The following GPSM1 variants were observed in gnomAD, a reference collection of about 807,000 sequenced individuals.
GPSM1 encodes the protein G protein signaling modulator 1, also known as G protein-signaling modulator 1.
GPSM1 carries 48 observed loss-of-function variants against 70.5 expected under a neutral mutation model. The observed-to-expected ratio is 0.68, with a 90% CI of 0.54 to 0.87. The LOEUF (loss-of-function observed/expected upper bound fraction) is 0.87, where lower values mean the gene tolerates loss of function less well. GPSM1 is among the 40% of genes least tolerant of loss of function. The probability of loss-of-function intolerance (pLI) is 0.00; values close to 1 mark genes in which losing one functional copy is unlikely to be tolerated. For synonymous variants in GPSM1, 416 were observed against 430.1 expected, an observed-to-expected ratio of 0.97 and a Z score of 0.41; for missense variants, 981 against 972.6, an observed-to-expected ratio of 1.01 and a Z score of -0.11.
intron 1 of GPSM1, among the ~76,000 whole-genome samples, chr9:136,332,560 G>C (rs1255800071): frequency 2.0e-5 from 3 of 152,208 alleles, no homozygotes; most frequent in African/African-American, 7.2e-5. Flanking sequence ...AACCGAGTGA[G>C]ACCACTTGAA....
At chr9:136,328,923 G>A (rs1278259442) in intron 1 of GPSM1, among the ~76,000 whole-genome samples, 7 of 152,218 alleles carry the variant, frequency 4.6e-5, no homozygotes, top group African/African-American at 1.7e-4. Flanking sequence ...CAGGGCGGCC[G>A]TGCTGTGAGG....
In GPSM1 at chr9:136,359,238, T is replaced by G. The variant is rs1460355442; in HGVS notation, c.*1018T>G. 1.3e-5 allele frequency: 2 copies of G among 152,196 alleles called. No homozygotes were observed. The highest frequency in any genetic ancestry group is 2.9e-5 in the Non-Finnish European group (2 of 68,072). 9.4% of individuals were successfully genotyped at this position (152,196 alleles called of 1,614,324 possible). On this transcript the variant is annotated 3_prime_UTR_variant, in exon 14 of 14. Coordinates refer to ENST00000440944, the MANE Select transcript of GPSM1 (RefSeq NM_001145638.3). ...TGGGCCCCAGGGGCCTGAGGTTGCC[T>G]CCTCCTGTCCAGACCCAGCCTTGGC...
chr9:136,349,386 A>G (rs1263807843), intron 10 of GPSM1, among the ~76,000 whole-genome samples: 4 of 152,202 alleles, frequency 2.6e-5, no homozygotes, highest in African/African-American at 9.6e-5. Context: ...TGCGGGGGCC[A>G]CTGGCCCTCA....
intron 11 of GPSM1, among the ~76,000 whole-genome samples, chr9:136,350,542 G>A (rs1009321225): frequency 1.3e-5 from 2 of 152,214 alleles, no homozygotes; most frequent in Non-Finnish European, 2.9e-5. Flanking sequence ...GGGCAGGACC[G>A]ATGGTGAGTG....
rs952054848 is a variant in GPSM1 at position 136,341,528 on chromosome 9, G to A, written c.1207+535G>A. The A allele has an allele frequency of 2.7e-5, 31 of 1,132,566 alleles. No individual in the cohort carries two copies. The highest frequency in any genetic ancestry group is 1.1e-4 in the South Asian group (4 of 35,482). The allele number at this position is 1,132,566 out of a possible 1,614,324, so 70.2% of individuals were successfully genotyped here. On this transcript the variant is annotated intron_variant, in intron 9 of 13. Coordinates refer to ENST00000440944, the MANE Select transcript of GPSM1 (RefSeq NM_001145638.3). The surrounding 1 kb of genome is among the most constrained non-coding windows in gnomAD (Gnocchi z 6.7). ...CAGTGCTGCAGACACAGGACAGAAC[G>A]TCCCCTGCAAAGCGAAAAGACTAAT...
chr9:136,348,445 G>A (rs1832577240), intron 9 of GPSM1, among the ~76,000 whole-genome samples: 2 of 152,218 alleles, frequency 1.3e-5, no homozygotes, highest in African/African-American at 2.4e-5. Context: ...TTCCAGCACA[G>A]GGAGCCAAAG....
At chr9:136,357,944 C>T in intron 13 of GPSM1, 70 bp from the exon 14 acceptor site, 8 of 1,264,964 alleles carry the variant, frequency 6.3e-6, no homozygotes, top group Non-Finnish European at 9.2e-6. Context: ...TCTGGAACCA[C>T]CGCTGCTGAC....
Position 136,359,476 on chromosome 9 carries a change from C to G in GPSM1, c.*1256C>G, listed in dbSNP as rs1421625169. On this transcript the variant is annotated 3_prime_UTR_variant, in exon 14 of 14. Coordinates refer to ENST00000440944, the MANE Select transcript of GPSM1 (RefSeq NM_001145638.3). ...GGGTCTCCAGGACGTAGCGCCCCCCCGCATACTTGAATGTATGTGCGTATT... is the reference window on the plus strand; with the variant it reads ...GGGTCTCCAGGACGTAGCGCCCCCCGGCATACTTGAATGTATGTGCGTATT... The G allele has an allele frequency of 1.3e-5, 2 of 152,314 alleles. No individual in the cohort carries two copies. The highest frequency in any genetic ancestry group is 4.8e-5 in the African/African-American group (2 of 41,442). 9.4% of individuals were successfully genotyped at this position (152,314 alleles called of 1,614,324 possible).
chr9:136,348,601 C>A, intron 9 of GPSM1, 96 bp from the exon 10 acceptor site: 1 of 866,484 alleles, frequency 1.2e-6, no homozygotes, highest in Non-Finnish European at 1.8e-6. Flanking sequence ...AAAGCCATGG[C>A]CGGGCTGGTC....
Position 136,340,610 on chromosome 9 carries a change from G to A in GPSM1, c.1084-260G>A, listed in dbSNP as rs1427987320. 1.3e-5 allele frequency among the ~76,000 whole-genome samples: 2 copies of A among 152,040 alleles called. No individual in the cohort carries two copies. Among genetic ancestry groups the A allele is most frequent in the African/African-American group, 2.4e-5 (1 of 41,404 alleles). On this transcript the variant is annotated intron_variant, in intron 8 of 13. Transcript: ENST00000440944. The surrounding 1 kb of genome is among the most constrained non-coding windows in gnomAD (Gnocchi z 7.3). ...CGCACCGGAGGGCACAGGCCCAACC[G>A]CCTGGGACCCCAAGCATCTCTGGGG... is the stretch of plus-strand genomic sequence containing the variant.
intron 9 of GPSM1, among the ~76,000 whole-genome samples, chr9:136,344,215 G>T (rs1231414987): frequency 2.0e-5 from 3 of 146,440 alleles, no homozygotes; most frequent in African/African-American, 5.0e-5. Context: ...GGAGCGGGGT[G>T]GGGGCGCGGA....
rs1832286872 is a variant in GPSM1, at chr9:136,337,909, G to A, written c.766G>A (p.Gly256Arg). ...AAERRAYSNL[G>R]NAHVFLGRFD... ...CGAGAGGAGGGCCTACAGCAACCTG[G>A]GGAACGCCCACGTCTTCCTGGGGCG... is the stretch of plus-strand genomic sequence containing the variant. Residue 256 changes from glycine (G) to arginine (R), a missense_variant, in exon 6 of 14, where the codon GGG becomes AGG. Transcript: ENST00000440944. 1 of 1,612,570 alleles carries A rather than the reference G, an allele frequency of 6.2e-7. No homozygotes were observed. The highest frequency in any genetic ancestry group is 1.3e-5 in the African/African-American group (1 of 74,938).
chr9:136,350,088 G>A (rs781813155), intron 11 of GPSM1, among the ~76,000 whole-genome samples: 5 of 152,220 alleles, frequency 3.3e-5, no homozygotes, highest in Non-Finnish European at 5.9e-5. Context: ...CCAGTTGGGG[G>A]CTGGCTCTTC....
At position 136,342,999 on chromosome 9, in the gene GPSM1, A is replaced by G. The variant is rs1554770596; in HGVS notation, c.1207+2006A>G. 1.3e-5 allele frequency among the ~76,000 whole-genome samples: 2 copies of G among 152,084 alleles called. No homozygotes were observed. Among genetic ancestry groups the G allele is most frequent in the African/African-American group, 2.4e-5 (1 of 41,396 alleles). ...GTTTGGTGTCCCGTTGATAAACACA[A>G]GGAGACTTACGTGCGGCTGGAGGAC... On this transcript the variant is annotated intron_variant, in intron 9 of 13. Coordinates refer to ENST00000440944, the MANE Select transcript of GPSM1 (RefSeq NM_001145638.3). This position sits in a 1 kb window ranked among gnomAD's most constrained non-coding sequence, Gnocchi z 5.5.
At position 136,340,950 on chromosome 9, in the gene GPSM1, G is replaced by T. The variant is rs782188577; in HGVS notation, c.1164G>T (p.Pro388=). ...LQLVLGRLTS[P]AASEKPDLAG... Reference sequence around the variant, plus strand: ...TGGTGCTCGGCCGCCTGACCAGCCCGGCAGCCTCAGAGAAGCCTGACCTGG... The same window carrying T: ...TGGTGCTCGGCCGCCTGACCAGCCCTGCAGCCTCAGAGAAGCCTGACCTGG... Residue 388 remains proline (P), a synonymous_variant, in exon 9 of 14, where the codon CCG becomes CCT. Coordinates refer to ENST00000440944, the MANE Select transcript of GPSM1 (RefSeq NM_001145638.3). This position sits in a 1 kb window ranked among gnomAD's most constrained non-coding sequence, Gnocchi z 7.3. 2 of 1,563,714 alleles carry T rather than the reference G, an allele frequency of 1.3e-6. No individual in the cohort carries two copies. The highest frequency in any genetic ancestry group is 1.2e-5 in the South Asian group (1 of 85,012).
At chr9:136,352,164 C>CCA (rs1413291861) in intron 11 of GPSM1, among the ~76,000 whole-genome samples, 14 of 137,398 alleles carry the variant, frequency 1.0e-4, no homozygotes, top group East Asian at 5.0e-4. Flanking sequence ...CTGTTGGTGA[C>CCA]ACCAATGCTG....
In GPSM1 at chr9:136,339,763, G is replaced by T; in HGVS notation, c.1031G>T (p.Arg344Leu). ...SLGNAYVSMG[R>L]PAQALTFAKK... The stretch of plus-strand genomic sequence containing the variant: ...GGAAATGCCTACGTGTCCATGGGGC[G>T]CCCAGCGCAGGCCCTGACCTTCGCC... The change falls in exon 8 of 14, where the codon CGC (arginine) becomes CTC (leucine). Residue 344 changes from arginine to leucine, a missense_variant. Transcript: ENST00000440944. 6.5e-7 allele frequency: 1 copy of T among 1,550,094 alleles called. No homozygotes were observed. Among genetic ancestry groups the T allele is most frequent in the Non-Finnish European group, 8.7e-7 (1 of 1,146,618 alleles).
chr9:136,340,594 G>C lies in GPSM1; in HGVS notation c.1084-276G>C, dbSNP rs1043660989. The stretch of plus-strand genomic sequence containing the variant: ...GGGGCCGGGCCCCTCGCGCACCGGA[G>C]GGCACAGGCCCAACCGCCTGGGACC... On this transcript the variant is annotated intron_variant, in intron 8 of 13. Transcript: ENST00000440944. The surrounding 1 kb of genome is among the most constrained non-coding windows in gnomAD (Gnocchi z 7.3). Among the ~76,000 whole-genome samples, 3 of 152,232 alleles carry C rather than the reference G, an allele frequency of 2.0e-5. No homozygotes were observed. Among genetic ancestry groups the C allele is most frequent in the Non-Finnish European group, 4.4e-5 (3 of 67,994 alleles).
chr9:136,337,698 C>A, intron 5 of GPSM1, 134 bp downstream of exon 5: 1 of 995,630 alleles, frequency 1.0e-6, no homozygotes, highest in Non-Finnish European at 1.5e-6. Flanking sequence ...GTCCTGGCCT[C>A]ATCTGCACTT....
Sources: gnomAD v4.1 joint callset for allele counts (sites outside exome capture counted in the v4.1 genomes callset) on GRCh38, gnomAD v4.1.1 for gene constraint, Gnocchi (gnomAD v3.1) non-coding constraint, MANE v1.5 for transcripts, NCBI Gene and HGNC (gene_info 2026-07-23, HGNC 2026-07-21) for gene names.